ANTXR2: variants seen among roughly 807,000 people sequenced by gnomAD.
ANTXR2 encodes ANTXR cell adhesion molecule 2.
Under a neutral mutation model 73.7 loss-of-function variants are expected in ANTXR2, and 44 were observed. The observed-to-expected ratio is 0.60, with a 90% confidence interval of 0.47 to 0.77. ANTXR2 has a LOEUF of 0.77. Ranked by LOEUF, ANTXR2 falls within the 30% of genes least tolerant of loss-of-function variation. ANTXR2 has a pLI of 0.00. For synonymous variants in ANTXR2, 217 were observed against 205.9 expected (o/e 1.05, Z -0.46); for missense variants, 604 against 592.5 (o/e 1.02, Z -0.20).
chr4:80,050,811 A>T (rs1276296340), intron 7 of ANTXR2, among the ~76,000 whole-genome samples: 1 of 151,662 alleles, frequency 6.6e-6, no homozygotes, highest in African/African-American at 2.4e-5. Flanking sequence ...CATCTTGTAC[A>T]TTATTATAAG....
intron 12 of ANTXR2, among the ~76,000 whole-genome samples, chr4:79,998,387 C>G (rs896530899): frequency 8.6e-5 from 13 of 151,960 alleles, no homozygotes; most frequent in Non-Finnish European, 1.2e-4. Context: ...TCAGCATATT[C>G]AGGTATTATT....
chr4:79,999,049 T>C lies in ANTXR2; in HGVS notation c.1041+9472A>G, dbSNP rs566442751. Among the ~76,000 whole-genome samples the C allele has an allele frequency of 3.9e-5, 6 of 152,224 alleles. No homozygotes were observed. In the South Asian group the frequency reaches 1.2e-3, roughly 32 times the overall value. On this transcript the variant is annotated intron_variant, in intron 12 of 16. Coordinates refer to ENST00000403729, the MANE Select transcript of ANTXR2 (RefSeq NM_058172.6). ...CTTGAAAAGACTCTTTAGTATGAAC[T>C]GAAAGATTTAAAATTTAAAAATAGT...
chr4:80,036,457 A>AT (rs1732962351), intron 7 of ANTXR2, among the ~76,000 whole-genome samples: 1 of 152,136 alleles, frequency 6.6e-6, no homozygotes, highest in Non-Finnish European at 1.5e-5. Context: ...TATAATATCA[A>AT]TAAAAAAGCA....
At chr4:79,929,729 C>G (rs1005199734) in intron 16 of ANTXR2, among the ~76,000 whole-genome samples, 2 of 59,912 alleles carry the variant, frequency 3.3e-5, no homozygotes, top group East Asian at 4.6e-3. Flanking sequence ...GATATATATG[C>G]AAATATACAA....
At chr4:80,061,116 G>C (rs889210200) in intron 3 of ANTXR2, among the ~76,000 whole-genome samples, 1 of 152,144 alleles carries the variant, frequency 6.6e-6, no homozygotes, top group Non-Finnish European at 1.5e-5. Flanking sequence ...TCATATGACA[G>C]ATGGTTTCCA....
chr4:80,045,535 T>G (rs536490119), intron 7 of ANTXR2, among the ~76,000 whole-genome samples: 1 of 151,182 alleles, frequency 6.6e-6, no homozygotes, highest in Admixed American at 6.6e-5. Context: ...ACCCACAGCA[T>G]GTCAGAAAAT....
chr4:79,907,225 A>C lies in ANTXR2; in HGVS notation c.*204T>G. ...TCATGAGTTACCACTGAGTTTCATC[A>C]CCTCCCATGTAGATGGCAGAACAAG... is the stretch of plus-strand genomic sequence containing the variant. On this transcript the variant is annotated 3_prime_UTR_variant, in exon 17 of 17. Coordinates refer to ENST00000403729, the MANE Select transcript of ANTXR2 (RefSeq NM_058172.6). The C allele has an allele frequency of 1.6e-6, 1 of 606,736 alleles. No homozygotes were observed. The highest frequency in any genetic ancestry group is 2.1e-5 in the South Asian group (1 of 47,132). The allele number at this position is 606,736 out of a possible 1,614,324, so 37.6% of individuals were successfully genotyped here.
chr4:80,012,866 G>A (rs1054662418), intron 11 of ANTXR2, among the ~76,000 whole-genome samples: 1 of 152,196 alleles, frequency 6.6e-6, no homozygotes, highest in East Asian at 1.9e-4. Flanking sequence ...GGATAAAAGT[G>A]CACTGAATGT....
chr4:80,026,159 G>C (rs1215622377), intron 10 of ANTXR2, among the ~76,000 whole-genome samples: 3 of 152,132 alleles, frequency 2.0e-5, no homozygotes, highest in Non-Finnish European at 2.9e-5. Flanking sequence ...CCCGTGTAAA[G>C]GGAGGATCCT....
chr4:79,920,212 C>A (rs1164071442), intron 16 of ANTXR2, among the ~76,000 whole-genome samples: 1 of 151,892 alleles, frequency 6.6e-6, no homozygotes, highest in Non-Finnish European at 1.5e-5. Flanking sequence ...TCTAGGACTC[C>A]TTAGAGTTGA....
At chr4:80,037,994 A>G (rs1447775462) in intron 7 of ANTXR2, among the ~76,000 whole-genome samples, 1 of 152,144 alleles carries the variant, frequency 6.6e-6, no homozygotes, top group Non-Finnish European at 1.5e-5. Context: ...TGCATCTTTC[A>G]GTTTATAATC....
intron 10 of ANTXR2, among the ~76,000 whole-genome samples, chr4:80,024,967 T>C (rs1224314929): frequency 6.6e-6 from 1 of 152,132 alleles, no homozygotes; most frequent in East Asian, 1.9e-4. Context: ...TTCAACTTAA[T>C]TTTCTATAAA....
chr4:79,985,838 CTTTTT>C (rs572381265), intron 12 of ANTXR2, among the ~76,000 whole-genome samples: 5 of 111,682 alleles, frequency 4.5e-5, no homozygotes, highest in African/African-American at 3.3e-5. Context: ...ACAGTTAATT[CTTTTT>C]TTTTTTTTTT....
intron 10 of ANTXR2, among the ~76,000 whole-genome samples, chr4:80,021,149 C>CAAAAAA (rs35390197): frequency 2.6e-4 from 16 of 60,600 alleles, no homozygotes; most frequent in South Asian, 8.6e-4. Flanking sequence ...GACTCCATCT[C>CAAAAAA]AAAAAAAAAA....
chr4:79,918,684 C>G (rs191700967), intron 16 of ANTXR2, among the ~76,000 whole-genome samples: 1 of 151,828 alleles, frequency 6.6e-6, no homozygotes, highest in African/African-American at 2.4e-5. Flanking sequence ...TTAACAAGTG[C>G]GAAAAGTTCT....
chr4:80,072,854 C>A lies in ANTXR2; in HGVS notation c.-294G>T. ...CCCGATTCCGGAGAGTTCCTGCAGACAATGCGGGCCCACGGCGACAGCTCG... is the reference window on the plus strand; with the variant it reads ...CCCGATTCCGGAGAGTTCCTGCAGAAAATGCGGGCCCACGGCGACAGCTCG... On this transcript the variant is annotated 5_prime_UTR_variant, in exon 1 of 17. Transcript: ENST00000403729. 2 of 520,716 alleles carry A rather than the reference C, an allele frequency of 3.8e-6. No homozygotes were observed. The highest frequency in any genetic ancestry group is 9.6e-5 in the Admixed American group (2 of 20,770). 32.3% of individuals were successfully genotyped at this position (520,716 alleles called of 1,614,324 possible).
At chr4:80,038,185 A>AGT (rs1323893559) in intron 7 of ANTXR2, among the ~76,000 whole-genome samples, 1 of 152,130 alleles carries the variant, frequency 6.6e-6, no homozygotes, top group Admixed American at 6.6e-5. Context: ...ATGTCAAAAA[A>AGT]CATGCATCCG....
intron 16 of ANTXR2, among the ~76,000 whole-genome samples, chr4:79,976,252 T>C (rs972965966): frequency 2.6e-5 from 4 of 152,052 alleles, no homozygotes; most frequent in Non-Finnish European, 4.4e-5. Flanking sequence ...GAAGTTGAAG[T>C]TCATTAAGTT....
At chr4:80,031,284 G>A (rs1467335866) in intron 10 of ANTXR2, among the ~76,000 whole-genome samples, 6 of 149,876 alleles carry the variant, frequency 4.0e-5, no homozygotes, top group Non-Finnish European at 6.0e-5. Flanking sequence ...ATGTGTGTGC[G>A]TGTGCATGTG....
Sources: allele counts gnomAD v4.1 joint callset (sites outside exome capture counted in the v4.1 genomes callset), GRCh38; gene constraint gnomAD v4.1.1; transcripts MANE v1.5; gene names NCBI Gene and HGNC (gene_info 2026-07-23, HGNC 2026-07-21).